Variants in IGF2BP3 observed in about 807,000 individuals in gnomAD.
IGF2BP3 encodes insulin like growth factor 2 mRNA binding protein 3, also known as insulin-like growth factor 2 mRNA-binding protein 3.
In IGF2BP3, 9 loss-of-function variants were observed where a neutral mutation model predicts 73.8. The observed-to-expected ratio is 0.12, with a 90% confidence interval of 0.07 to 0.21. The LOEUF is 0.21. IGF2BP3 is among the 10% of genes least tolerant of loss of function. IGF2BP3 has a pLI of 1.00. For synonymous variants in IGF2BP3, 258 were observed against 256.7 expected, an observed-to-expected ratio of 1.01 and a Z score of -0.05; for missense variants, 542 against 714.0, an observed-to-expected ratio of 0.76 and a Z score of 2.75.
rs748999337 is a variant in IGF2BP3 at position 23,389,828 on chromosome 7, T to TAA, written c.286-28089_286-28088dup. On this transcript the variant is annotated intron_variant, in intron 3 of 14. Transcript: ENST00000258729. ...GGGCAACATAGCGAGATCCCTTCTG[T>TAA]AAAAAAAAAAAAAAAAAAAAAATTA... Among the ~76,000 whole-genome samples, 766 of 108,344 alleles carry TAA rather than the reference T, an allele frequency of 7.1e-3. 16 individuals carry two copies. The highest frequency in any genetic ancestry group is 0.023 in the African/African-American group (671 of 29,822). The allele number at this position is 108,344 out of a possible 152,430, so 71.1% of individuals were successfully genotyped here. A position where few individuals can be genotyped will look rare whatever the true frequency, so the allele number is the denominator to read the frequency against.
intron 8 of IGF2BP3, among the ~76,000 whole-genome samples, chr7:23,345,033 G>T (rs79177148): frequency 0.021 from 3,135 of 152,206 alleles, 79 homozygotes; most frequent in African/African-American, 0.056. Context: ...ACTTTGTGGG[G>T]TTTTTTTCCC....
chr7:23,367,411 A>T (rs1258029648), intron 3 of IGF2BP3, among the ~76,000 whole-genome samples: 1 of 145,954 alleles, frequency 6.9e-6, no homozygotes, highest in Non-Finnish European at 1.5e-5. Flanking sequence ...ATTCTATGTC[A>T]GCCACAAATA....
chr7:23,351,281 C>T (rs758928973), intron 6 of IGF2BP3, 24 bp downstream of exon 6: 1 of 1,610,990 alleles, frequency 6.2e-7, no homozygotes, highest in Non-Finnish European at 8.5e-7. Flanking sequence ...TCATGAACAC[C>T]CACCACACAC....
At chr7:23,443,754 A>C (rs12540096) in intron 2 of IGF2BP3, among the ~76,000 whole-genome samples, 52,561 of 152,048 alleles carry the variant, frequency 0.35, 9,416 homozygotes, top group Middle Eastern at 0.43. Flanking sequence ...TCATGCCTAT[A>C]ATCTCAGCAC....
At chr7:23,457,048 C>CA (rs933331635) in intron 2 of IGF2BP3, among the ~76,000 whole-genome samples, 2 of 150,904 alleles carry the variant, frequency 1.3e-5, no homozygotes, top group African/African-American at 4.9e-5. Flanking sequence ...GACTCTGTCT[C>CA]AAAAAACAAA....
At position 23,448,645 on chromosome 7, in the gene IGF2BP3, T is replaced by G. The variant is rs191500031; in HGVS notation, c.236+19837A>C. On this transcript the variant is annotated intron_variant, in intron 2 of 14. Transcript: ENST00000258729. The stretch of plus-strand genomic sequence containing the variant: ...TGTTTGTTTGTTTGTTTGTTTGTTT[T>G]TTTGAGGCAGAGTCTCGTTCTATCA... Among the ~76,000 whole-genome samples, 835 of 150,630 alleles carry G rather than the reference T, an allele frequency of 5.5e-3. 1 individual carries two copies. The highest frequency in any genetic ancestry group is 0.027 in the Middle Eastern group (8 of 294).
chr7:23,370,683 G>GTT (rs547962107), intron 3 of IGF2BP3, among the ~76,000 whole-genome samples: 4,979 of 143,698 alleles, frequency 0.035, 288 homozygotes, highest in African/African-American at 0.12. Flanking sequence ...TGGTTTTTTT[G>GTT]TTTTTTTTTT....
intron 3 of IGF2BP3, among the ~76,000 whole-genome samples, chr7:23,401,649 C>T (rs1765596834): frequency 6.6e-6 from 1 of 151,944 alleles, no homozygotes; most frequent in Admixed American, 6.6e-5. Context: ...CCTGTAATCC[C>T]AGCTACTTGA....
Position 23,337,034 on chromosome 7 carries a change from T to C in IGF2BP3, c.1203+5030A>G, listed in dbSNP as rs1784591774. Among the ~76,000 whole-genome samples, 3 of 152,310 alleles carry C rather than the reference T, an allele frequency of 2.0e-5. 1 individual carries two copies. In the South Asian group the frequency reaches 6.2e-4, roughly 32 times the overall value. On this transcript the variant is annotated intron_variant, in intron 10 of 14. Coordinates refer to ENST00000258729, the MANE Select transcript of IGF2BP3 (RefSeq NM_006547.3). ...TACTGCCTTTAAAAACAATAGTTTATTTGTATTTCAAAAAGTGGTGACCAC... is the reference window on the plus strand; with the variant it reads ...TACTGCCTTTAAAAACAATAGTTTACTTGTATTTCAAAAAGTGGTGACCAC...
chr7:23,381,997 T>C (rs1402962091), intron 3 of IGF2BP3, among the ~76,000 whole-genome samples: 1 of 152,216 alleles, frequency 6.6e-6, no homozygotes, highest in East Asian at 1.9e-4. Flanking sequence ...GGCTCACACC[T>C]GTAATCCCAG....
At chr7:23,375,699 GA>G (rs1785695760) in intron 3 of IGF2BP3, among the ~76,000 whole-genome samples, 1 of 152,120 alleles carries the variant, frequency 6.6e-6, no homozygotes, top group Non-Finnish European at 1.5e-5. Context: ...AAATGTCCAC[GA>G]TTGTATGGTC....
intron 2 of IGF2BP3, among the ~76,000 whole-genome samples, chr7:23,437,485 AAAATAAATAAATAAATAAATAAAT>A (rs71770418): frequency 3.4e-5 from 5 of 148,666 alleles, no homozygotes; most frequent in African/African-American, 9.9e-5. Context: ...CTTCATTTCA[AAAATAAATAAATAAATAAATAAAT>A]AAATAAATAA....
At chr7:23,321,451 A>T (rs1422902218) in intron 10 of IGF2BP3, among the ~76,000 whole-genome samples, 2 of 152,208 alleles carry the variant, frequency 1.3e-5, no homozygotes, top group Non-Finnish European at 2.9e-5. Flanking sequence ...GATTGCTAGC[A>T]CAGCAGTCTG....
At chr7:23,448,592 A>T (rs186695847) in intron 2 of IGF2BP3, among the ~76,000 whole-genome samples, 10 of 151,588 alleles carry the variant, frequency 6.6e-5, no homozygotes, top group African/African-American at 1.2e-4. Flanking sequence ...TGTAGAGATG[A>T]GGGTCTCACT....
intron 3 of IGF2BP3, among the ~76,000 whole-genome samples, chr7:23,408,351 C>T (rs1212147540): frequency 1.3e-5 from 2 of 152,042 alleles, no homozygotes; most frequent in African/African-American, 2.4e-5. Flanking sequence ...AAAAAACAAA[C>T]TTTCAGAACT....
intron 2 of IGF2BP3, among the ~76,000 whole-genome samples, chr7:23,430,497 A>G (rs112489529): frequency 2.5e-4 from 38 of 152,350 alleles, no homozygotes; most frequent in African/African-American, 9.1e-4. Context: ...ACTTGGTGGC[A>G]CTCTGTACCG....
intron 3 of IGF2BP3, among the ~76,000 whole-genome samples, chr7:23,385,141 T>C (rs768286666): frequency 6.6e-6 from 1 of 152,142 alleles, no homozygotes; most frequent in Non-Finnish European, 1.5e-5. Context: ...AATAATAGAA[T>C]TGGAAAATGA....
chr7:23,317,785 A>G, intron 11 of IGF2BP3, 72 bp from the exon 12 acceptor site: 1 of 1,198,218 alleles, frequency 8.3e-7, no homozygotes. Flanking sequence ...CAACCAGCCT[A>G]ACATTTGCAT....
In IGF2BP3 at chr7:23,457,475, AT is replaced by A. The variant is rs201647923; in HGVS notation, c.236+11006del. Among the ~76,000 whole-genome samples, 1,019 of 151,508 alleles carry A rather than the reference AT, an allele frequency of 6.7e-3. 13 individuals carry two copies. Among genetic ancestry groups the A allele is most frequent in the African/African-American group, 0.021 (877 of 41,366 alleles). ...AAGACCCTGTTTCAAAAAAAAAAAAATTTTTTTTAAACTTCTCAACAAGAAG... is the reference window on the plus strand; with the variant it reads ...AAGACCCTGTTTCAAAAAAAAAAAAATTTTTTTAAACTTCTCAACAAGAAG... On this transcript the variant is annotated intron_variant, in intron 2 of 14. Coordinates refer to ENST00000258729, the MANE Select transcript of IGF2BP3 (RefSeq NM_006547.3).
Sources: gnomAD v4.1 joint callset for allele counts (sites outside exome capture counted in the v4.1 genomes callset) on GRCh38, gnomAD v4.1.1 for gene constraint, MANE v1.5 for transcripts, NCBI Gene and HGNC (gene_info 2026-07-23, HGNC 2026-07-21) for gene names.